LRRC37A2: variants seen among roughly 807,000 people sequenced by gnomAD.
LRRC37A2 encodes the protein leucine rich repeat containing 37 member A2, also known as leucine-rich repeat-containing protein 37A2.
Under a neutral mutation model 68.8 loss-of-function variants are expected in LRRC37A2, and 9 were observed. The observed-to-expected ratio is 0.13, with a 90% CI of 0.08 to 0.23. The LOEUF (loss-of-function observed/expected upper bound fraction) is 0.23, where lower values mean the gene tolerates loss of function less well. Among genes scored for constraint, LRRC37A2 ranks in the 10% least tolerant of loss-of-function variants. The probability of loss-of-function intolerance (pLI) is 1.00; values close to 1 mark genes in which losing one functional copy is unlikely to be tolerated. For missense variants in LRRC37A2, 168 were observed against 950.4 expected (o/e 0.18, Z 10.82); for synonymous variants, 63 against 367.6 (o/e 0.17, Z 9.48).
At chr17:46,851,421 G>A in the LRRC37A2 span, among the ~76,000 whole-genome samples, 2 of 151,262 alleles carry the variant, frequency 1.3e-5, no homozygotes, top group South Asian at 4.2e-4. This position sits in a 1 kb window ranked among gnomAD's most constrained non-coding sequence, Gnocchi z 4.3. Context: ...GGGCGGTCCA[G>A]GGGCGGCTGC....
chr17:46,872,849 C>T, the LRRC37A2 span: 3 of 1,478,506 alleles, frequency 2.0e-6, no homozygotes, highest in Non-Finnish European at 1.8e-6. Context: ...GAGAGGCTGC[C>T]CTTTCCTTTT....
At chr17:46,595,220 A>G in the LRRC37A2 span, among the ~76,000 whole-genome samples, 1 of 15,400 alleles carries the variant, frequency 6.5e-5, no homozygotes, top group Admixed American at 9.0e-4. Context: ...ACTATCTTCT[A>G]CCTTTTGGAA....
the LRRC37A2 span, among the ~76,000 whole-genome samples, chr17:46,736,041 T>C: frequency 2.4e-4 from 37 of 152,220 alleles, no homozygotes; most frequent in Non-Finnish European, 1.0e-4. Context: ...TAGAGGAAGT[T>C]TCCATAGGAA....
the LRRC37A2 span, among the ~76,000 whole-genome samples, chr17:46,678,575 C>G: frequency 7.1e-6 from 1 of 141,612 alleles, no homozygotes. Context: ...GAGGATGAAT[C>G]AAAATCAGGA....
chr17:46,710,887 G>A, the LRRC37A2 span: 1,319,101 of 1,327,242 alleles, frequency 0.99, 655,743 homozygotes, highest in East Asian at 1. Flanking sequence ...AGCATGTACG[G>A]ATTATAACTC....
At chr17:46,558,972 C>T (rs1399276104), downstream of LRRC37A2, 3 of 105,350 alleles carry the variant, frequency 2.8e-5, no homozygotes, top group Non-Finnish European at 1.8e-5. Flanking sequence ...GTCCCCGCGC[C>T]CGGCAAAGCC....
chr17:46,503,176 C>T, the LRRC37A2 span, among the ~76,000 whole-genome samples: 1 of 139,238 alleles, frequency 7.2e-6, no homozygotes, highest in African/African-American at 2.8e-5. Context: ...CATGCCACTG[C>T]ACTCCAGCCT....
the LRRC37A2 span, chr17:47,027,548 T>G: frequency 7.8e-7 from 1 of 1,280,664 alleles, no homozygotes; most frequent in Non-Finnish European, 1.1e-6. Flanking sequence ...TTCCTTTTCC[T>G]TTTCCTAGAG....
At chr17:47,029,711 A>T in the LRRC37A2 span, among the ~76,000 whole-genome samples, 1 of 152,222 alleles carries the variant, frequency 6.6e-6, no homozygotes, top group African/African-American at 2.4e-5. Context: ...TTTAGGTAGC[A>T]TCAATACAAA....
At chr17:46,922,336 G>T in the LRRC37A2 span, among the ~76,000 whole-genome samples, 1 of 152,144 alleles carries the variant, frequency 6.6e-6, no homozygotes, top group Non-Finnish European at 1.5e-5. Context: ...CCTGTTGTGG[G>T]GTGGGGAGAG....
chr17:46,595,603 C>T, the LRRC37A2 span, among the ~76,000 whole-genome samples: 3 of 130,970 alleles, frequency 2.3e-5, 1 homozygote, highest in African/African-American at 7.3e-5. Flanking sequence ...GCGATTCTCC[C>T]GCCTCAGCCT....
At chr17:46,994,868 T>C in the LRRC37A2 span, among the ~76,000 whole-genome samples, 2 of 152,086 alleles carry the variant, frequency 1.3e-5, no homozygotes, top group Non-Finnish European at 2.9e-5. Flanking sequence ...ATTCCTGTAA[T>C]CCCAGCACTT....
the LRRC37A2 span, among the ~76,000 whole-genome samples, chr17:46,899,747 T>G: frequency 6.6e-6 from 1 of 152,148 alleles, no homozygotes; most frequent in African/African-American, 2.4e-5. Context: ...CTGAATTGTA[T>G]ATTTTAATAG....
At chr17:46,992,326 C>T in the LRRC37A2 span, among the ~76,000 whole-genome samples, 1 of 152,104 alleles carries the variant, frequency 6.6e-6, no homozygotes, top group Non-Finnish European at 1.5e-5. Context: ...CGAGACTGTG[C>T]CACTGCACTC....
At chr17:46,610,102 TC>T in the LRRC37A2 span, among the ~76,000 whole-genome samples, 1 of 38,948 alleles carries the variant, frequency 2.6e-5, no homozygotes, top group African/African-American at 2.1e-4. Flanking sequence ...TCTCTCTTTC[TC>T]TCTCTCTCTC....
the LRRC37A2 span, among the ~76,000 whole-genome samples, chr17:46,835,776 G>A: frequency 3.9e-5 from 6 of 152,260 alleles, no homozygotes; most frequent in East Asian, 9.6e-4. Context: ...GATCCAGCTG[G>A]GTTGGAGGGA....
chr17:46,946,282 C>CAAAAAAAAAAAA, the LRRC37A2 span, among the ~76,000 whole-genome samples: 5 of 126,678 alleles, frequency 3.9e-5, no homozygotes, highest in African/African-American at 6.4e-5. Flanking sequence ...CTAAAAATAC[C>CAAAAAAAAAAAA]AAAAAAAAAA....
the LRRC37A2 span, chr17:46,886,587 A>C: frequency 6.6e-6 from 1 of 152,104 alleles, no homozygotes; most frequent in Non-Finnish European, 1.5e-5. Flanking sequence ...TGCTGTAACC[A>C]ATTAAGCTGT....
the LRRC37A2 span, among the ~76,000 whole-genome samples, chr17:46,853,217 CACTTA>C: frequency 8.7e-4 from 132 of 152,128 alleles, no homozygotes; most frequent in Non-Finnish European, 1.3e-3. Flanking sequence ...TTGGCCAAGT[CACTTA>C]ACTTAACCTC....
Sources: gnomAD v4.1 joint callset for allele counts (sites outside exome capture counted in the v4.1 genomes callset) on GRCh38, gnomAD v4.1.1 for gene constraint, Gnocchi (gnomAD v3.1) non-coding constraint, MANE v1.5 for transcripts, NCBI Gene and HGNC (gene_info 2026-07-23, HGNC 2026-07-21) for gene names.